Variants in SCN4A observed in about 807,000 individuals in gnomAD.
SCN4A encodes sodium voltage-gated channel alpha subunit 4, also known as sodium channel protein type 4 subunit alpha.
SCN4A carries 83 observed loss-of-function variants against 162.0 expected under a neutral mutation model. The ratio of observed to expected loss-of-function variants is 0.51; its 90% CI spans 0.43 to 0.61. The LOEUF is 0.61. SCN4A is among the 20% of genes least tolerant of loss of function. The pLI is 0.00. For synonymous variants in SCN4A, 944 were observed against 985.1 expected, an observed-to-expected ratio of 0.96 and a Z score of 0.78; for missense variants, 2,196 against 2,462.5, an observed-to-expected ratio of 0.89 and a Z score of 2.29.
intron 16 of SCN4A, 107 bp downstream of exon 16, chr17:63,948,504 G>T: frequency 2.1e-6 from 2 of 972,366 alleles, no homozygotes; most frequent in Non-Finnish European, 3.0e-6. Flanking sequence ...CAGGGTTTGG[G>T]ACTGACCAGA....
chr17:63,941,350 C>T lies in SCN4A; in HGVS notation c.4932G>A (p.Val1644=), dbSNP rs1203379082. ...TCCTCAGCGGTTCCTGCAGGGTGTC[C>T]ACGAAGTCTGAGAGGCGGCTGTAGG... The part of the protein sequence containing the change: ...FIAYSRLSDF[V]DTLQEPLRIA... Residue 1644 remains valine (V), a synonymous_variant, in exon 24 of 24, where the codon GTG becomes GTA. Coordinates refer to ENST00000435607, the MANE Select transcript of SCN4A (RefSeq NM_000334.4). This position sits in a 1 kb window ranked among gnomAD's most constrained non-coding sequence, Gnocchi z 6.2. 1 of 1,613,852 alleles carries T rather than the reference C, an allele frequency of 6.2e-7. No homozygotes were observed. The highest frequency in any genetic ancestry group is 1.7e-5 in the Admixed American group (1 of 60,004).
rs1909171213 is a variant in SCN4A at position 63,959,312 on chromosome 17, C to T, written c.1972G>A (p.Gly658Ser). 3 of 1,613,872 alleles carry T rather than the reference C, an allele frequency of 1.9e-6. No individual in the cohort carries two copies. The highest frequency in any genetic ancestry group is 1.1e-5 in the South Asian group (1 of 91,094). Residue 658 changes from glycine (G) to serine (S), a missense_variant, in exon 12 of 24, where the codon GGC becomes AGC. Gly to Ser is a moderately conservative substitution (Grantham distance 56). Transcript: ENST00000435607. ...IIVTLSLVEL[G>S]LANVQGLSVL... ...GACAGTCCCTGTACGTTGGCCAGGC[C>T]TAGCTCTACCAGGCTGAGGGTGACG...
chr17:63,959,238 G>A lies in SCN4A; in HGVS notation c.2019+27C>T, dbSNP rs1909167393. ...GTCTCCTCACCCCACCCCCATCCCA[G>A]CCCCTGGCCCTGGGGCTTTTGTGTA... On this transcript the variant is annotated intron_variant, in intron 12 of 23. Transcript: ENST00000435607. The A allele has an allele frequency of 1.9e-6, 3 of 1,579,956 alleles. No individual in the cohort carries two copies. In the East Asian group the frequency reaches 6.8e-5, roughly 36 times the overall value.
chr17:63,954,617 G>A (rs1909015314), intron 13 of SCN4A, among the ~76,000 whole-genome samples: 1 of 152,206 alleles, frequency 6.6e-6, no homozygotes, highest in South Asian at 2.1e-4. Flanking sequence ...CATAGGTGCA[G>A]GGGATGCGGG....
In SCN4A at chr17:63,957,276, G is replaced by C; in HGVS notation, c.2262C>G (p.Val754=). The C allele has an allele frequency of 6.2e-7, 1 of 1,614,160 alleles. No individual in the cohort carries two copies. Among genetic ancestry groups the C allele is most frequent in the African/African-American group, 1.3e-5 (1 of 75,050 alleles). The change falls in exon 13 of 24, where the codon GTC becomes GTG. Residue 754 remains valine, a synonymous_variant. Coordinates refer to ENST00000435607, the MANE Select transcript of SCN4A (RefSeq NM_000334.4). ...TCCACTCCCCGCACAGGATGCGGAA[G>C]ACGATGAGGAAGGAGTGGAAGAAAT... is the stretch of plus-strand genomic sequence containing the variant. ...MHDFFHSFLI[V]FRILCGEWIE...
chr17:63,966,456 T>G (rs766439826), intron 7 of SCN4A, 25 bp downstream of exon 7: 1 of 1,609,050 alleles, frequency 6.2e-7, no homozygotes, highest in East Asian at 2.2e-5. Context: ...GGGGTGCCTT[T>G]TCTGCATCCC....
chr17:63,953,963 G>A (rs1457287470), intron 13 of SCN4A, among the ~76,000 whole-genome samples: 1 of 152,190 alleles, frequency 6.6e-6, no homozygotes, highest in Non-Finnish European at 1.5e-5. Context: ...CTACCAGTCT[G>A]CCTGGCCCTG....
In SCN4A at chr17:63,961,274, G is replaced by A. The variant is rs1909244207; in HGVS notation, c.1764C>T (p.Ile588=). ...PFVDLGITIC[I]VLNTLFMAME... ...TGGCCATGAAGAGGGTGTTGAGCACGATGCAGATGGTGATGCCCAGGTCCA... is the reference window on the plus strand; with the variant it reads ...TGGCCATGAAGAGGGTGTTGAGCACAATGCAGATGGTGATGCCCAGGTCCA... Residue 588 remains isoleucine, a synonymous_variant, in exon 11 of 24, where the codon ATC becomes ATT. Transcript: ENST00000435607. 2 of 1,609,708 alleles carry A rather than the reference G, an allele frequency of 1.2e-6. No individual in the cohort carries two copies. Among genetic ancestry groups the A allele is most frequent in the Non-Finnish European group, 8.5e-7 (1 of 1,177,648 alleles).
intron 5 of SCN4A, 141 bp downstream of exon 5, chr17:63,971,021 G>A (rs1909592913): frequency 1.6e-6 from 1 of 641,234 alleles, no homozygotes. Context: ...GGTCACGTGG[G>A]CCCCTGTATG....
At chr17:63,967,157 ATT>A (rs112133046) in intron 6 of SCN4A, among the ~76,000 whole-genome samples, 3 of 144,756 alleles carry the variant, frequency 2.1e-5, no homozygotes, top group African/African-American at 5.1e-5. Context: ...GAGCTTTAGG[ATT>A]TTTTTTTTTT....
chr17:63,958,487 C>T (rs535387281), intron 12 of SCN4A, among the ~76,000 whole-genome samples: 2 of 152,290 alleles, frequency 1.3e-5, no homozygotes, highest in African/African-American at 4.8e-5. Flanking sequence ...GTGATAGGTA[C>T]GTGGAGGTTC....
chr17:63,940,678 T>A lies in SCN4A; in HGVS notation c.*93A>T. 6.9e-7 allele frequency: 1 copy of A among 1,452,888 alleles called. No homozygotes were observed. Among genetic ancestry groups the A allele is most frequent in the Non-Finnish European group, 9.2e-7 (1 of 1,085,410 alleles). The allele number at this position is 1,452,888 out of a possible 1,614,324, so 90.0% of individuals were successfully genotyped here. ...TCAGGGAGCCAGGCACAGTCCCAGA[T>A]TCAAAGCCCTCCTCCCTCACTCTGT... On this transcript the variant is annotated 3_prime_UTR_variant, in exon 24 of 24. Transcript: ENST00000435607.
intron 6 of SCN4A, among the ~76,000 whole-genome samples, chr17:63,967,020 T>G (rs1247772048): frequency 2.0e-5 from 3 of 152,118 alleles, no homozygotes; most frequent in African/African-American, 7.2e-5. Context: ...GAATAGGATG[T>G]GGGTGTGTGG....
intron 23 of SCN4A, among the ~76,000 whole-genome samples, chr17:63,942,218 A>T (rs906633255): frequency 6.7e-6 from 1 of 149,452 alleles, no homozygotes. Context: ...GAAGTGGGGG[A>T]GTGTAAGGCC....
Position 63,950,834 on chromosome 17 carries a change from C to T in SCN4A, c.2853+590G>A, listed in dbSNP as rs1388506237. Among the ~76,000 whole-genome samples, 1 of 152,180 alleles carries T rather than the reference C, an allele frequency of 6.6e-6. No individual in the cohort carries two copies. The highest frequency in any genetic ancestry group is 1.9e-4 in the East Asian group (1 of 5,184). On this transcript the variant is annotated intron_variant, in intron 14 of 23. Coordinates refer to ENST00000435607, the MANE Select transcript of SCN4A (RefSeq NM_000334.4). This position sits in a 1 kb window ranked among gnomAD's most constrained non-coding sequence, Gnocchi z 4.6. ...GAGGGGTGGGGAGGGGCATCTGAGCCCAGCAGCACACCCCCTGCATGGCTG... is the reference window on the plus strand; with the variant it reads ...GAGGGGTGGGGAGGGGCATCTGAGCTCAGCAGCACACCCCCTGCATGGCTG...
chr17:63,961,589 G>T, intron 10 of SCN4A, 158 bp from the exon 11 acceptor site: 1 of 511,606 alleles, frequency 2.0e-6, no homozygotes, highest in Non-Finnish European at 3.6e-6. Context: ...CGCCTCTTGC[G>T]TCACCCTTAC....
At position 63,959,309 on chromosome 17, in the gene SCN4A, G is replaced by A. The variant is rs764575691; in HGVS notation, c.1975C>T (p.Leu659=). 2 of 1,613,856 alleles carry A rather than the reference G, an allele frequency of 1.2e-6. No homozygotes were observed. Among genetic ancestry groups the A allele is most frequent in the African/African-American group, 2.7e-5 (2 of 74,910 alleles). The change falls in exon 12 of 24, where the codon CTG becomes TTG. Residue 659 remains leucine (L), a synonymous_variant. Transcript: ENST00000435607. ...IVTLSLVELG[L]ANVQGLSVLR... ...ACAGACAGTCCCTGTACGTTGGCCA[G>A]GCCTAGCTCTACCAGGCTGAGGGTG... is the stretch of plus-strand genomic sequence containing the variant.
chr17:63,970,784 C>T (rs1369876930), intron 5 of SCN4A, among the ~76,000 whole-genome samples: 1 of 152,158 alleles, frequency 6.6e-6, no homozygotes, highest in Non-Finnish European at 1.5e-5. Flanking sequence ...CAGGTGCACA[C>T]CACCATGCCA....
rs764949354 is a variant in SCN4A at position 63,941,376 on chromosome 17, C to T, written c.4906G>A (p.Ala1636Thr). ...ACGAAGTCTGAGAGGCGGCTGTAGG[C>T]GATGAACTGGGTGGCGTCGGGGTCG... ...KFDPDATQFI[A>T]YSRLSDFVDT... Residue 1636 changes from alanine to threonine, a missense_variant, in exon 24 of 24, where the codon GCC becomes ACC. By Grantham distance (58) the Ala-to-Thr change is moderately conservative. Transcript: ENST00000435607. The surrounding 1 kb of genome is among the most constrained non-coding windows in gnomAD (Gnocchi z 6.2). 31 of 1,613,776 alleles carry T rather than the reference C, an allele frequency of 1.9e-5. No individual in the cohort carries two copies. In the Admixed American group the frequency reaches 2.7e-4, roughly 14 times the overall value.
Sources: gnomAD v4.1 joint callset for allele counts (sites outside exome capture counted in the v4.1 genomes callset) on GRCh38, gnomAD v4.1.1 for gene constraint, Gnocchi (gnomAD v3.1) non-coding constraint, MANE v1.5 for transcripts, NCBI Gene and HGNC (gene_info 2026-07-23, HGNC 2026-07-21) for gene names.